Variants in GYG1 observed in about 807,000 individuals in gnomAD.
GYG1 encodes glycogenin 1.
A neutral mutation model predicts 41.9 loss-of-function variants in GYG1; 44 were observed. The ratio of observed to expected loss-of-function variants is 1.05; its 90% CI spans 0.83 to 1.35. GYG1 has a LOEUF of 1.35. Ranked by LOEUF, GYG1 falls within the 40% of genes most tolerant of loss-of-function variation. GYG1 has a pLI of 0.00. For missense variants in GYG1, 429 were observed against 418.9 expected (o/e 1.02, Z -0.21); for synonymous variants, 141 against 158.1 (o/e 0.89, Z 0.81).
At chr3:149,005,803 T>C (rs893216341) in intron 4 of GYG1, among the ~76,000 whole-genome samples, 16 of 152,318 alleles carry the variant, frequency 1.1e-4, no homozygotes, top group African/African-American at 3.8e-4. Context: ...TAAGAAATAA[T>C]ACAGACAGAT....
At chr3:148,993,999 C>T (rs1712640328) in intron 1 of GYG1, 143 bp from the exon 2 acceptor site, 1 of 759,190 alleles carries the variant, frequency 1.3e-6, no homozygotes, top group Non-Finnish European at 2.3e-6. Context: ...GTTTTCTCCC[C>T]AAAGGGCTAC....
At chr3:149,017,338 A>G (rs1394150086) in intron 5 of GYG1, among the ~76,000 whole-genome samples, 1 of 151,786 alleles carries the variant, frequency 6.6e-6, no homozygotes, top group African/African-American at 2.4e-5. Context: ...ACAAATCCCC[A>G]TTACTGGGTC....
chr3:149,014,705 T>A (rs535212886), intron 5 of GYG1, among the ~76,000 whole-genome samples: 1 of 151,474 alleles, frequency 6.6e-6, no homozygotes, highest in Non-Finnish European at 1.5e-5. Context: ...TACATATATA[T>A]AAATACATAA....
intron 3 of GYG1, 78 bp downstream of exon 3, chr3:148,996,554 C>A: frequency 7.5e-7 from 1 of 1,331,224 alleles, no homozygotes; most frequent in Non-Finnish European, 1.1e-6. Context: ...TTGAGGAATG[C>A]TGTCAAGACT....
At chr3:149,005,928 C>G (rs1200031899) in intron 4 of GYG1, among the ~76,000 whole-genome samples, 1 of 152,096 alleles carries the variant, frequency 6.6e-6, no homozygotes, top group Non-Finnish European at 1.5e-5. Flanking sequence ...TCAGATTTCA[C>G]CAGTTTTATA....
In GYG1 at chr3:149,024,062, A is replaced by G. The variant is rs1374276340; in HGVS notation, c.618A>G (p.Ala206=). The change falls in exon 6 of 8, where the codon GCA becomes GCG. Residue 206 remains alanine, a synonymous_variant. Transcript: ENST00000345003. ...TGCGTTCACTTGGCAGGTTTGGTGC[A>G]AGTGCCAAAGTTGTGCATTTCCTGG... ...SYLPAFKVFG[A]SAKVVHFLGR... 6.2e-7 allele frequency: 1 copy of G among 1,613,780 alleles called. No individual in the cohort carries two copies. Among genetic ancestry groups the G allele is most frequent in the Non-Finnish European group, 8.5e-7 (1 of 1,179,620 alleles).
chr3:149,005,880 A>G (rs1576543713), intron 4 of GYG1, among the ~76,000 whole-genome samples: 1 of 152,274 alleles, frequency 6.6e-6, no homozygotes, highest in South Asian at 2.1e-4. Context: ...TATTGCCCCA[A>G]CCAGGAGATT....
intron 5 of GYG1, among the ~76,000 whole-genome samples, chr3:149,017,819 C>T (rs1714157211): frequency 6.7e-6 from 1 of 149,456 alleles, no homozygotes. Flanking sequence ...CACTGTGTTG[C>T]CCACGCTGGT....
In GYG1 at chr3:149,022,498, CTTTTTTT is replaced by C. The variant is rs71617495; in HGVS notation, c.609-1543_609-1537del. 4.2e-3 allele frequency among the ~76,000 whole-genome samples: 295 copies of C among 69,594 alleles called. 18 individuals carry two copies. Among genetic ancestry groups the C allele is most frequent in the African/African-American group, 0.017 (286 of 16,836 alleles). 45.7% of individuals were successfully genotyped at this position (69,594 alleles called of 152,430 possible). A position where few individuals can be genotyped will look rare whatever the true frequency, so the allele number is the denominator to read the frequency against. On this transcript the variant is annotated intron_variant, in intron 5 of 7. Transcript: ENST00000345003. ...AACAGTACCTTTTTTCTTGTTTTGCCTTTTTTTTTTTTTTTTTTGAGATGGAGTCTCA... is the reference window on the plus strand; with the variant it reads ...AACAGTACCTTTTTTCTTGTTTTGCCTTTTTTTTTTTGAGATGGAGTCTCA...
rs1714713339 is a variant in GYG1, at chr3:149,027,340, C to A, written c.*407C>A. ...GTTGGTTGTGTACCTTTCACGAGACCTGAATTTTAGAATTGCCCAGTGCTG... is the reference window on the plus strand; with the variant it reads ...GTTGGTTGTGTACCTTTCACGAGACATGAATTTTAGAATTGCCCAGTGCTG... On this transcript the variant is annotated 3_prime_UTR_variant, in exon 8 of 8. Transcript: ENST00000345003. 1 of 213,546 alleles carries A rather than the reference C, an allele frequency of 4.7e-6. No homozygotes were observed. Among genetic ancestry groups the A allele is most frequent in the South Asian group, 8.3e-5 (1 of 11,984 alleles). 13.2% of individuals were successfully genotyped at this position (213,546 alleles called of 1,614,324 possible). A position where few individuals can be genotyped will look rare whatever the true frequency, so the allele number is the denominator to read the frequency against.
At chr3:148,992,449 T>G (rs1321647068) in intron 1 of GYG1, 17 of 152,304 alleles carry the variant, frequency 1.1e-4, no homozygotes, top group Admixed American at 1.0e-3. Flanking sequence ...TCATTGGTCT[T>G]TCTTGGTCAT....
chr3:149,009,180 T>G lies in GYG1; in HGVS notation c.482-96T>G, dbSNP rs58939996. On this transcript the variant is annotated intron_variant, in intron 4 of 7. Transcript: ENST00000345003. The stretch of plus-strand genomic sequence containing the variant: ...TCTCAAAAAAAAAAAAAAAATGGAA[T>G]TAGTGTCTATTTTTAAAGGTCCAGT... The G allele has an allele frequency of 7.0e-3, 6,385 of 916,712 alleles. 307 individuals carry two copies. In the African/African-American group the frequency reaches 0.097, roughly 14 times the overall value. The allele number at this position is 916,712 out of a possible 1,614,324, so 56.8% of individuals were successfully genotyped here.
chr3:149,001,573 A>G (rs963963115), intron 4 of GYG1: 1 of 152,102 alleles, frequency 6.6e-6, no homozygotes, highest in African/African-American at 2.4e-5. Context: ...TTTTTCACTT[A>G]TTTCTCAACA....
chr3:149,024,849 T>G (rs1366323385), intron 6 of GYG1, among the ~76,000 whole-genome samples: 2 of 152,206 alleles, frequency 1.3e-5, no homozygotes, highest in African/African-American at 4.8e-5. Flanking sequence ...TTTCTGACTT[T>G]AAAGGTCTTC....
chr3:149,009,153 C>T lies in GYG1; in HGVS notation c.482-123C>T, dbSNP rs559513486. On this transcript the variant is annotated intron_variant, in intron 4 of 7. Transcript: ENST00000345003. ...CAGCTTGGGTGACAGAGCGAGACTC[C>T]GTCTCAAAAAAAAAAAAAAAATGGA... 1,474 of 693,040 alleles carry T rather than the reference C, an allele frequency of 2.1e-3. 16 individuals are homozygous for T. In the African/African-American group the frequency reaches 0.025, roughly 12 times the overall value. The allele number at this position is 693,040 out of a possible 1,614,324, so 42.9% of individuals were successfully genotyped here. A position where few individuals can be genotyped will look rare whatever the true frequency, so the allele number is the denominator to read the frequency against.
rs142892078 is a variant in GYG1, at chr3:149,023,929, G to A, written c.609-124G>A. The A allele has an allele frequency of 1.1e-5, 8 of 746,518 alleles. No homozygotes were observed. In the East Asian group the frequency reaches 2.1e-4, roughly 20 times the overall value. The allele number at this position is 746,518 out of a possible 1,614,324, so 46.2% of individuals were successfully genotyped here. A position where few individuals can be genotyped will look rare whatever the true frequency, so the allele number is the denominator to read the frequency against. ...CTGTCATGCTACTGCACTCCAGCCTGGGTGACAGAGTGAGACACTGTCTCT... is the reference window on the plus strand; with the variant it reads ...CTGTCATGCTACTGCACTCCAGCCTAGGTGACAGAGTGAGACACTGTCTCT... On this transcript the variant is annotated intron_variant, in intron 5 of 7. Transcript: ENST00000345003.
At chr3:149,018,571 C>T (rs901838478) in intron 5 of GYG1, among the ~76,000 whole-genome samples, 42 of 152,040 alleles carry the variant, frequency 2.8e-4, no homozygotes, top group African/African-American at 8.9e-4. Flanking sequence ...CCCATTTTTC[C>T]CCCACTTAAC....
intron 6 of GYG1, among the ~76,000 whole-genome samples, chr3:149,025,606 TTAAG>T (rs532594274): frequency 1.7e-3 from 261 of 152,342 alleles, no homozygotes; most frequent in African/African-American, 6.0e-3. Flanking sequence ...GTTAAGTATA[TTAAG>T]TATTATATCT....
At chr3:149,012,157 G>C (rs1156516337) in intron 5 of GYG1, among the ~76,000 whole-genome samples, 1 of 151,020 alleles carries the variant, frequency 6.6e-6, no homozygotes, top group African/African-American at 2.4e-5. Flanking sequence ...TTATTATAAG[G>C]TAATATAAAA....
Sources: allele counts gnomAD v4.1 joint callset (sites outside exome capture counted in the v4.1 genomes callset), GRCh38; gene constraint gnomAD v4.1.1; transcripts MANE v1.5; gene names NCBI Gene and HGNC (gene_info 2026-07-23, HGNC 2026-07-21).